The following COMMD10 variants were observed in gnomAD, a reference collection of about 807,000 sequenced individuals.
COMMD10 encodes COMM domain containing 10.
Under a neutral mutation model 28.9 loss-of-function variants are expected in COMMD10, and 33 were observed. The ratio of observed to expected loss-of-function variants is 1.14; its 90% CI spans 0.87 to 1.53. The LOEUF (loss-of-function observed/expected upper bound fraction) is 1.53, where lower values mean the gene tolerates loss of function less well. Ranked by LOEUF, COMMD10 falls within the 40% of genes most tolerant of loss-of-function variation. COMMD10 has a pLI of 0.00. For synonymous variants in COMMD10, 110 were observed against 81.7 expected (o/e 1.35, Z -1.87); for missense variants, 310 against 233.4 (o/e 1.33, Z -2.14).
chr5:116,244,531 G>A (rs2112666430), intron 5 of COMMD10, among the ~76,000 whole-genome samples: 1 of 151,616 alleles, frequency 6.6e-6, no homozygotes, highest in South Asian at 2.1e-4. Context: ...GAGCTATGGG[G>A]GTACAGTAGA....
intron 5 of COMMD10, among the ~76,000 whole-genome samples, chr5:116,140,179 C>T (rs1752151002): frequency 6.7e-6 from 1 of 150,366 alleles, no homozygotes; most frequent in African/African-American, 2.5e-5. Context: ...CAGATTCATC[C>T]ATGTTGTTGC....
At chr5:116,188,529 T>C (rs1227670683) in intron 5 of COMMD10, 1 of 152,170 alleles carries the variant, frequency 6.6e-6, no homozygotes, top group Non-Finnish European at 1.5e-5. Context: ...TTTTAGCATA[T>C]ATGCTACTGA....
intron 5 of COMMD10, among the ~76,000 whole-genome samples, chr5:116,290,993 TTG>T (rs1467191065): frequency 1.3e-5 from 2 of 152,136 alleles, no homozygotes; most frequent in African/African-American, 4.8e-5. Context: ...TTTGAAACTG[TTG>T]TGTTAATTGT....
intron 5 of COMMD10, among the ~76,000 whole-genome samples, chr5:116,182,298 A>G (rs1747993364): frequency 7.1e-6 from 1 of 141,476 alleles, no homozygotes; most frequent in African/African-American, 3.0e-5. Flanking sequence ...TTATGGATGG[A>G]AGGCAGGGAG....
intron 5 of COMMD10, among the ~76,000 whole-genome samples, chr5:116,135,936 A>G (rs1420156011): frequency 6.6e-6 from 1 of 152,128 alleles, no homozygotes; most frequent in Non-Finnish European, 1.5e-5. Context: ...TATAGGTAAT[A>G]GTATCTATCT....
At chr5:116,224,212 CAAAT>C (rs1486813629) in intron 5 of COMMD10, among the ~76,000 whole-genome samples, 1 of 152,134 alleles carries the variant, frequency 6.6e-6, no homozygotes, top group Non-Finnish European at 1.5e-5. Context: ...TCTTGCTACT[CAAAT>C]AAATCATGAG....
intron 4 of COMMD10, among the ~76,000 whole-genome samples, chr5:116,123,150 A>G (rs957309761): frequency 1.3e-5 from 2 of 152,012 alleles, no homozygotes; most frequent in African/African-American, 4.8e-5. Flanking sequence ...GAGATAATCA[A>G]TACTTAGTTT....
At chr5:116,166,437 A>G (rs186292732) in intron 5 of COMMD10, among the ~76,000 whole-genome samples, 4 of 152,306 alleles carry the variant, frequency 2.6e-5, no homozygotes, top group African/African-American at 9.6e-5. Flanking sequence ...ATGCATTGAA[A>G]TAAATTGTAC....
At chr5:116,159,303 C>T (rs1418904519) in intron 5 of COMMD10, among the ~76,000 whole-genome samples, 1 of 152,156 alleles carries the variant, frequency 6.6e-6, no homozygotes. Context: ...CTTGTTTTTC[C>T]TGACACTCCA....
chr5:116,160,513 G>T (rs1752880903), intron 5 of COMMD10, among the ~76,000 whole-genome samples: 1 of 152,054 alleles, frequency 6.6e-6, no homozygotes. Flanking sequence ...AGTTGGATGA[G>T]TCTCTTAGGT....
At chr5:116,245,262 C>G (rs1580578155) in intron 5 of COMMD10, among the ~76,000 whole-genome samples, 2 of 152,002 alleles carry the variant, frequency 1.3e-5, no homozygotes, top group South Asian at 4.2e-4. Context: ...TGGATAAATT[C>G]CTCAACACAG....
At chr5:116,236,222 G>T (rs1378156006) in intron 5 of COMMD10, among the ~76,000 whole-genome samples, 1 of 151,982 alleles carries the variant, frequency 6.6e-6, no homozygotes, top group East Asian at 1.9e-4. Context: ...GAAATGATTC[G>T]GCTGGACCCA....
chr5:116,096,514 G>A (rs61105089), intron 4 of COMMD10, among the ~76,000 whole-genome samples: 17,020 of 151,936 alleles, frequency 0.11, 1,396 homozygotes, highest in African/African-American at 0.22. Flanking sequence ...TTCCTTTGAA[G>A]GCAGTCACGT....
intron 6 of COMMD10, among the ~76,000 whole-genome samples, chr5:116,292,048 G>C (rs964593727): frequency 6.6e-6 from 1 of 151,586 alleles, no homozygotes; most frequent in African/African-American, 2.4e-5. Context: ...TCTTCTGCCA[G>C]TGTACTGCCA....
At chr5:116,166,076 A>G (rs779833156) in intron 5 of COMMD10, among the ~76,000 whole-genome samples, 11 of 152,176 alleles carry the variant, frequency 7.2e-5, no homozygotes, top group Admixed American at 6.5e-5. Flanking sequence ...TAGACATTCT[A>G]TGGCCGAAAG....
At chr5:116,120,500 A>G (rs1751394064) in intron 4 of COMMD10, among the ~76,000 whole-genome samples, 1 of 152,100 alleles carries the variant, frequency 6.6e-6, no homozygotes, top group African/African-American at 2.4e-5. Flanking sequence ...AACTATTGAA[A>G]TAAAATTAAA....
chr5:116,124,481 A>C (rs920870193), intron 4 of COMMD10, among the ~76,000 whole-genome samples: 2 of 152,204 alleles, frequency 1.3e-5, no homozygotes, highest in African/African-American at 4.8e-5. Context: ...GGAGTGCTTT[A>C]CTTCCAACTA....
At chr5:116,279,227 G>A (rs13359019) in intron 5 of COMMD10, among the ~76,000 whole-genome samples, 4,011 of 151,872 alleles carry the variant, frequency 0.026, 241 homozygotes, top group African/African-American at 0.088. Flanking sequence ...AGATGAGTCC[G>A]TAGGAATCAT....
In COMMD10 at chr5:116,194,336, T is replaced by C. The variant is rs914530990; in HGVS notation, c.510+60158T>C. Among the ~76,000 whole-genome samples the C allele has an allele frequency of 3.3e-5, 5 of 151,542 alleles. No homozygotes were observed. The East Asian group carries it at 9.7e-4, about 29-fold the overall frequency. Reference sequence around the variant, plus strand: ...TAACCAAGATCAGAGCAGAACTAAATGAAATGGAAACAAAAACAATGAAAA... The same window carrying C: ...TAACCAAGATCAGAGCAGAACTAAACGAAATGGAAACAAAAACAATGAAAA... On this transcript the variant is annotated intron_variant, in intron 5 of 6. Transcript: ENST00000274458.
Sources: gnomAD v4.1 joint callset for allele counts (sites outside exome capture counted in the v4.1 genomes callset) on GRCh38, gnomAD v4.1.1 for gene constraint, MANE v1.5 for transcripts, NCBI Gene and HGNC (gene_info 2026-07-23, HGNC 2026-07-21) for gene names.